Variants in RASSF8 observed in about 807,000 individuals in gnomAD.
RASSF8 encodes ras association domain-containing protein 8.
RASSF8 carries 22 observed loss-of-function variants against 48.5 expected under a neutral mutation model. The ratio of observed to expected loss-of-function variants is 0.45; its 90% CI spans 0.32 to 0.65. RASSF8 has a LOEUF of 0.65. RASSF8 is among the 30% of genes least tolerant of loss of function. The probability of loss-of-function intolerance (pLI) is 0.03; values close to 1 mark genes in which losing one functional copy is unlikely to be tolerated. For missense variants in RASSF8, 418 were observed against 489.2 expected (o/e 0.85, Z 1.37); for synonymous variants, 127 against 171.5 (o/e 0.74, Z 2.03).
intron 2 of RASSF8, among the ~76,000 whole-genome samples, chr12:26,037,320 G>A (rs965227293): frequency 6.6e-6 from 1 of 152,124 alleles, no homozygotes; most frequent in Non-Finnish European, 1.5e-5. Context: ...CACCTCCGTG[G>A]ATCTTTGTCA....
chr12:26,051,571 C>G (rs1276002269), intron 2 of RASSF8, among the ~76,000 whole-genome samples: 3 of 151,930 alleles, frequency 2.0e-5, no homozygotes, highest in African/African-American at 7.3e-5. Flanking sequence ...AAAATTTACC[C>G]AAATCGTTAA....
intron 1 of RASSF8, among the ~76,000 whole-genome samples, chr12:25,980,349 G>A (rs1012119119): frequency 6.6e-6 from 1 of 152,098 alleles, no homozygotes; most frequent in Non-Finnish European, 1.5e-5. Context: ...CAACAAAATG[G>A]TCATTATCTT....
chr12:25,969,678 C>T (rs1304020809), intron 1 of RASSF8, among the ~76,000 whole-genome samples: 1 of 152,106 alleles, frequency 6.6e-6, no homozygotes, highest in African/African-American at 2.4e-5. Flanking sequence ...CTTTTCTTTC[C>T]ATCCTGGAAC....
intron 2 of RASSF8, among the ~76,000 whole-genome samples, chr12:25,996,974 C>T (rs1942148913): frequency 6.6e-6 from 1 of 152,042 alleles, no homozygotes; most frequent in South Asian, 2.1e-4. Flanking sequence ...TTTCATGGAG[C>T]TACTTAAAAT....
intron 1 of RASSF8, among the ~76,000 whole-genome samples, chr12:25,961,561 A>C (rs1941235102): frequency 6.6e-6 from 1 of 152,154 alleles, no homozygotes; most frequent in South Asian, 2.1e-4. Flanking sequence ...CTTGGGTTGC[A>C]CGTGTGACTT....
intron 2 of RASSF8, among the ~76,000 whole-genome samples, chr12:26,048,094 G>A (rs1439939195): frequency 6.6e-6 from 1 of 152,236 alleles, no homozygotes; most frequent in Non-Finnish European, 1.5e-5. Flanking sequence ...TGGGTAGGCT[G>A]TAGTACTGGA....
intron 1 of RASSF8, among the ~76,000 whole-genome samples, chr12:25,991,460 A>T (rs1942012938): frequency 6.6e-6 from 1 of 150,386 alleles, no homozygotes; most frequent in Non-Finnish European, 1.5e-5. Context: ...TGGATCAGGG[A>T]TCCAGGAATG....
intron 1 of RASSF8, among the ~76,000 whole-genome samples, chr12:25,965,368 T>TC (rs112849807): frequency 0.035 from 5,247 of 148,000 alleles, 301 homozygotes; most frequent in African/African-American, 0.12. Context: ...AATTTCTTTT[T>TC]TTTTTTTTTT....
intron 2 of RASSF8, among the ~76,000 whole-genome samples, chr12:26,021,047 C>T (rs912765477): frequency 6.6e-6 from 1 of 152,066 alleles, no homozygotes; most frequent in African/African-American, 2.4e-5. Context: ...ATTCTTTACT[C>T]CAATTACTTC....
At position 26,071,270 on chromosome 12, in the gene RASSF8, T is replaced by C; in HGVS notation, c.*2452T>C. On this transcript the variant is annotated 3_prime_UTR_variant, in exon 6 of 6. Transcript: ENST00000689635. ...TTTATCTATTGCAAATACAAATGAA[T>C]TAGATAAGTGCCACATCCTGGATAC... is the stretch of plus-strand genomic sequence containing the variant. 1.0e-6 allele frequency: 1 copy of C among 983,986 alleles called. No individual in the cohort carries two copies. Among genetic ancestry groups the C allele is most frequent in the Non-Finnish European group, 1.2e-6 (1 of 828,632 alleles). 61.0% of individuals were successfully genotyped at this position (983,986 alleles called of 1,614,324 possible). A position where few individuals can be genotyped will look rare whatever the true frequency, so the allele number is the denominator to read the frequency against.
At chr12:25,983,021 C>G (rs1316540925) in intron 1 of RASSF8, among the ~76,000 whole-genome samples, 1 of 152,038 alleles carries the variant, frequency 6.6e-6, no homozygotes, top group Non-Finnish European at 1.5e-5. Context: ...TCAGGGCAAG[C>G]CTTGAAGAGT....
At chr12:26,017,121 TA>T (rs1401535915) in intron 2 of RASSF8, among the ~76,000 whole-genome samples, 1 of 150,366 alleles carries the variant, frequency 6.7e-6, no homozygotes. Flanking sequence ...GTAAATGAAA[TA>T]TTTTTTTAAA....
intron 1 of RASSF8, among the ~76,000 whole-genome samples, chr12:25,992,824 C>T (rs1329589341): frequency 2.6e-5 from 4 of 152,152 alleles, no homozygotes; most frequent in Non-Finnish European, 4.4e-5. Flanking sequence ...CCTAGGTACT[C>T]GCACACCTGC....
At position 26,017,204 on chromosome 12, in the gene RASSF8, A is replaced by AC. The variant is rs1216072737; in HGVS notation, c.-109+22075dup. Among the ~76,000 whole-genome samples the AC allele has an allele frequency of 2.0e-5, 3 of 152,318 alleles. No homozygotes were observed. In the East Asian group the frequency reaches 5.8e-4, roughly 29 times the overall value. On this transcript the variant is annotated intron_variant, in intron 2 of 5. Coordinates refer to ENST00000689635, the MANE Select transcript of RASSF8 (RefSeq NM_001394098.1). Reference sequence around the variant, plus strand: ...AGTAGGAATATTTATCCTAAGTTACACAAAGAAGAATTAGAAAACAGTGCT... The same window carrying AC: ...AGTAGGAATATTTATCCTAAGTTACACCAAAGAAGAATTAGAAAACAGTGCT...
In RASSF8 at chr12:26,069,381, G is replaced by C. The variant is rs1298928981; in HGVS notation, c.*563G>C. Reference sequence around the variant, plus strand: ...ACAGGAAGCCACTTGCATTTGTTTTGTGAAACTGTCCTAGCCATTGCTTAA... The same window carrying C: ...ACAGGAAGCCACTTGCATTTGTTTTCTGAAACTGTCCTAGCCATTGCTTAA... On this transcript the variant is annotated 3_prime_UTR_variant, in exon 6 of 6. Transcript: ENST00000689635. 1.1e-5 allele frequency: 11 copies of C among 985,006 alleles called. No homozygotes were observed. The highest frequency in any genetic ancestry group is 1.0e-4 in the African/African-American group (6 of 57,224). The allele number at this position is 985,006 out of a possible 1,614,324, so 61.0% of individuals were successfully genotyped here.
intron 2 of RASSF8, among the ~76,000 whole-genome samples, chr12:26,005,164 G>GGTGTGT (rs34419551): frequency 0.035 from 5,259 of 149,968 alleles, 97 homozygotes; most frequent in Non-Finnish European, 0.046. Context: ...TTACGGATGG[G>GGTGTGT]GTGTGTGTGT....
At chr12:26,073,877 T>G (rs576930975), downstream of RASSF8, among the ~76,000 whole-genome samples, 1 of 150,924 alleles carries the variant, frequency 6.6e-6, no homozygotes, top group South Asian at 2.1e-4. Context: ...CAAAGTAGTA[T>G]TTATTGAGCC....
chr12:26,035,480 T>C (rs866946666), intron 2 of RASSF8, among the ~76,000 whole-genome samples: 1 of 117,042 alleles, frequency 8.5e-6, no homozygotes, highest in South Asian at 2.6e-4. Context: ...ATTATATAAT[T>C]ATATAATTAT....
intron 2 of RASSF8, among the ~76,000 whole-genome samples, chr12:26,016,168 A>G (rs1429939101): frequency 6.7e-6 from 1 of 150,056 alleles, no homozygotes; most frequent in African/African-American, 2.4e-5. Context: ...TTTGTTTTAA[A>G]CTTTTAAAAA....
Sources: allele counts gnomAD v4.1 joint callset (sites outside exome capture counted in the v4.1 genomes callset), GRCh38; gene constraint gnomAD v4.1.1; transcripts MANE v1.5; gene names NCBI Gene and HGNC (gene_info 2026-07-23, HGNC 2026-07-21).